The following ADGRL3 variants were observed in gnomAD, a reference collection of about 807,000 sequenced individuals.
ADGRL3 encodes the protein calcium-independent alpha-latrotoxin receptor 3.
ADGRL3 carries 62 observed loss-of-function variants against 153.5 expected under a neutral mutation model. The ratio of observed to expected loss-of-function variants is 0.40; its 90% confidence interval spans 0.33 to 0.50. The LOEUF is 0.50. Among genes scored for constraint, ADGRL3 ranks in the 20% least tolerant of loss-of-function variants. The probability of loss-of-function intolerance (pLI) is 0.47; values close to 1 mark genes in which losing one functional copy is unlikely to be tolerated. For missense variants in ADGRL3, 1,641 were observed against 1,859.4 expected (o/e 0.88, Z 2.16); for synonymous variants, 710 against 672.5 (o/e 1.06, Z -0.86).
At chr4:61,507,983 GTTTT>G (rs987302171) in intron 3 of ADGRL3, among the ~76,000 whole-genome samples, 1 of 152,002 alleles carries the variant, frequency 6.6e-6, no homozygotes. Context: ...TATTCTAAAG[GTTTT>G]TTGTTACCAT....
intron 24 of ADGRL3, among the ~76,000 whole-genome samples, chr4:62,041,836 T>C (rs1251407335): frequency 6.6e-6 from 1 of 152,082 alleles, no homozygotes; most frequent in Non-Finnish European, 1.5e-5. Context: ...ATACTTCTCC[T>C]TTTTCTCCTT....
At chr4:61,496,648 A>C (rs1283831731) in intron 2 of ADGRL3, among the ~76,000 whole-genome samples, 2 of 150,650 alleles carry the variant, frequency 1.3e-5, no homozygotes, top group Non-Finnish European at 3.0e-5. Flanking sequence ...ATTTCAAAAA[A>C]AAGAAAGAAA....
intron 8 of ADGRL3, among the ~76,000 whole-genome samples, chr4:61,783,951 A>G (rs573114249): frequency 6.6e-6 from 1 of 152,198 alleles, no homozygotes; most frequent in South Asian, 2.1e-4. Flanking sequence ...GACAGTTTTG[A>G]TGTAAGAAAA....
At chr4:61,593,071 C>T (rs565325356) in intron 5 of ADGRL3, among the ~76,000 whole-genome samples, 63 of 152,262 alleles carry the variant, frequency 4.1e-4, no homozygotes, top group African/African-American at 1.5e-3. Context: ...ACTATTTAAA[C>T]CGATGACAAC....
chr4:61,973,083 G>A (rs541478415), intron 17 of ADGRL3, among the ~76,000 whole-genome samples: 2 of 151,658 alleles, frequency 1.3e-5, no homozygotes, highest in South Asian at 2.1e-4. Flanking sequence ...CACTTCCATA[G>A]TTAAAATGAA....
intron 8 of ADGRL3, among the ~76,000 whole-genome samples, chr4:61,761,877 G>C (rs1450878737): frequency 1.3e-5 from 2 of 152,212 alleles, no homozygotes; most frequent in African/African-American, 4.8e-5. Context: ...GCTGCAGTGA[G>C]CTATGATCAC....
At chr4:61,342,583 T>C (rs1467903590) in intron 1 of ADGRL3, among the ~76,000 whole-genome samples, 1 of 152,084 alleles carries the variant, frequency 6.6e-6, no homozygotes, top group Non-Finnish European at 1.5e-5. Flanking sequence ...TTTATCCTCT[T>C]TTTTGACAAG....
At chr4:61,540,511 G>A (rs1001327147) in intron 4 of ADGRL3, among the ~76,000 whole-genome samples, 23 of 151,164 alleles carry the variant, frequency 1.5e-4, no homozygotes, top group African/African-American at 4.4e-4. Context: ...TTTTGCCACC[G>A]CACTCTAGCC....
intron 5 of ADGRL3, among the ~76,000 whole-genome samples, chr4:61,625,125 T>C (rs917296005): frequency 2.6e-5 from 4 of 152,114 alleles, no homozygotes; most frequent in Non-Finnish European, 4.4e-5. Flanking sequence ...TGTATGTAGT[T>C]ACATTAAGGT....
At chr4:61,277,356 G>A (rs2093513811) in intron 1 of ADGRL3, among the ~76,000 whole-genome samples, 1 of 152,106 alleles carries the variant, frequency 6.6e-6, no homozygotes. Context: ...CTTGATGAAT[G>A]CAGATAACAT....
chr4:61,567,947 C>T (rs2098823092), intron 4 of ADGRL3, among the ~76,000 whole-genome samples: 2 of 152,162 alleles, frequency 1.3e-5, no homozygotes. Context: ...CTTATTCCCT[C>T]CTGGAACCTC....
At chr4:61,928,630 A>G (rs2098804702) in intron 13 of ADGRL3, among the ~76,000 whole-genome samples, 1 of 152,174 alleles carries the variant, frequency 6.6e-6, no homozygotes, top group African/African-American at 2.4e-5. Context: ...TTTTTATAAG[A>G]TAAATATGCA....
chr4:61,466,047 G>A (rs751565471), intron 2 of ADGRL3, among the ~76,000 whole-genome samples: 24 of 151,718 alleles, frequency 1.6e-4, no homozygotes, highest in African/African-American at 3.9e-4. Context: ...ACTTGAACTC[G>A]GGAGGCGGAT....
At chr4:61,684,106 G>A (rs887145915) in intron 6 of ADGRL3, among the ~76,000 whole-genome samples, 20 of 152,086 alleles carry the variant, frequency 1.3e-4, no homozygotes, top group Admixed American at 5.9e-4. Context: ...GATGGGCAAG[G>A]CAGAAATCTT....
chr4:61,974,212 A>G (rs1037712937), intron 17 of ADGRL3, among the ~76,000 whole-genome samples: 1 of 152,078 alleles, frequency 6.6e-6, no homozygotes, highest in African/African-American at 2.4e-5. Flanking sequence ...AAAGCAGTCC[A>G]CCTGCCTCGG....
At chr4:61,308,005 C>T (rs571984855) in intron 1 of ADGRL3, among the ~76,000 whole-genome samples, 19 of 152,258 alleles carry the variant, frequency 1.2e-4, no homozygotes, top group East Asian at 1.2e-3. Context: ...AAAATGGTCT[C>T]GCCTGCTTAT....
chr4:61,665,640 AC>A (rs1199387556), intron 5 of ADGRL3, among the ~76,000 whole-genome samples: 6 of 152,210 alleles, frequency 3.9e-5, no homozygotes, highest in African/African-American at 1.2e-4. Flanking sequence ...AATTTTTAAT[AC>A]GCAAAATGAT....
At chr4:61,355,432 C>T (rs2096145170) in intron 1 of ADGRL3, among the ~76,000 whole-genome samples, 1 of 151,972 alleles carries the variant, frequency 6.6e-6, no homozygotes, top group African/African-American at 2.4e-5. Flanking sequence ...TTATTCACTT[C>T]ACGGAGATAG....
intron 17 of ADGRL3, among the ~76,000 whole-genome samples, chr4:61,951,710 C>A (rs2150356285): frequency 6.6e-6 from 1 of 151,966 alleles, no homozygotes; most frequent in East Asian, 1.9e-4. Flanking sequence ...CACTAAAATA[C>A]AAAAATTAGC....
Sources: gnomAD v4.1 joint callset for allele counts (sites outside exome capture counted in the v4.1 genomes callset) on GRCh38, gnomAD v4.1.1 for gene constraint, MANE v1.5 for transcripts, NCBI Gene and HGNC (gene_info 2026-07-23, HGNC 2026-07-21) for gene names.